Variants in RBFOX1 observed in about 807,000 individuals in gnomAD.
RBFOX1 encodes the protein RNA binding fox-1 homolog 1.
Under a neutral mutation model 57.7 loss-of-function variants are expected in RBFOX1, and 8 were observed. That is an observed-to-expected ratio of 0.14 (90% CI 0.08 to 0.25). The LOEUF is 0.25. Among genes scored for constraint, RBFOX1 ranks in the 10% least tolerant of loss-of-function variants. The pLI is 1.00. For missense variants in RBFOX1, 611 were observed against 548.5 expected (o/e 1.11, Z -1.14); for synonymous variants, 326 against 222.4 (o/e 1.47, Z -4.15).
At chr16:5,720,424 A>C (rs778327756) in intron 3 of RBFOX1, among the ~76,000 whole-genome samples, 11 of 152,200 alleles carry the variant, frequency 7.2e-5, no homozygotes, top group Non-Finnish European at 1.5e-4. Flanking sequence ...TATTTTCAGC[A>C]TAAAGTTTTA....
chr16:6,651,208 C>A (rs1017184825), intron 2 of RBFOX1, among the ~76,000 whole-genome samples: 12 of 152,078 alleles, frequency 7.9e-5, no homozygotes, highest in Non-Finnish European at 1.6e-4. Context: ...GGCCTGGAAC[C>A]CCTAATGTTT....
chr16:5,654,347 A>G (rs1342888477), intron 3 of RBFOX1, among the ~76,000 whole-genome samples: 1 of 152,142 alleles, frequency 6.6e-6, no homozygotes, highest in Non-Finnish European at 1.5e-5. Flanking sequence ...TTAAGCCATT[A>G]AGCTGGAAAT....
chr16:6,605,345 G>A (rs575120812), intron 2 of RBFOX1, among the ~76,000 whole-genome samples: 1 of 152,266 alleles, frequency 6.6e-6, no homozygotes, highest in Non-Finnish European at 1.5e-5. Flanking sequence ...ACAGGTAGCT[G>A]TCTGGCATTT....
chr16:6,203,736 C>G (rs2097232915), intron 1 of RBFOX1, among the ~76,000 whole-genome samples: 1 of 152,176 alleles, frequency 6.6e-6, no homozygotes, highest in South Asian at 2.1e-4. Context: ...GAACCCTTGT[C>G]TCTTGTGTGT....
At chr16:5,396,158 G>A (rs1302614226) in intron 1 of RBFOX1, among the ~76,000 whole-genome samples, 2 of 152,188 alleles carry the variant, frequency 1.3e-5, no homozygotes, top group Non-Finnish European at 1.5e-5. Context: ...AACTCAATGG[G>A]CATATTAATA....
At chr16:5,981,122 C>A (rs2060164695) in intron 4 of RBFOX1, among the ~76,000 whole-genome samples, 2 of 152,148 alleles carry the variant, frequency 1.3e-5, no homozygotes, top group Non-Finnish European at 2.9e-5. Context: ...TACAGATTTC[C>A]CTTTTTAGCA....
chr16:7,375,655 C>T (rs1488681778), intron 4 of RBFOX1, among the ~76,000 whole-genome samples: 1 of 152,054 alleles, frequency 6.6e-6, no homozygotes, highest in African/African-American at 2.4e-5. Flanking sequence ...GAAAGTCATT[C>T]TGTGTGACAA....
At position 7,621,148 on chromosome 16, in the gene RBFOX1, A is replaced by G. The variant is rs189329544; in HGVS notation, c.677-9455A>G. On this transcript the variant is annotated intron_variant, in intron 10 of 15. Coordinates refer to ENST00000550418, the MANE Select transcript of RBFOX1 (RefSeq NM_018723.4). ...GCCCTAGTAGTCTTATCATCTATAT[A>G]TTGACACCTATAACTTTGAAGGACA... Among the ~76,000 whole-genome samples the G allele has an allele frequency of 1.4e-3, 219 of 152,306 alleles. 1 individual carries two copies. Among genetic ancestry groups the G allele is most frequent in the Non-Finnish European group, 1.6e-3 (108 of 68,030 alleles).
chr16:5,724,076 C>G (rs2052040908), intron 3 of RBFOX1, among the ~76,000 whole-genome samples: 1 of 152,162 alleles, frequency 6.6e-6, no homozygotes, highest in African/African-American at 2.4e-5. Context: ...CTGCTCACCA[C>G]TTGAATGCTT....
chr16:5,922,625 G>A (rs1032780661), intron 4 of RBFOX1, among the ~76,000 whole-genome samples: 2 of 152,106 alleles, frequency 1.3e-5, no homozygotes, highest in African/African-American at 4.8e-5. Context: ...AGCTGCTGCT[G>A]GTTTAAACCA....
Position 7,099,013 on chromosome 16 carries a change from G to A in RBFOX1, c.27+46915G>A, listed in dbSNP as rs147581730. ...ATGGCTGCCTCTTTTTGGTGGGTCA[G>A]TGTCCAAACTCTCTCTTGTTAAATA... is the stretch of plus-strand genomic sequence containing the variant. On this transcript the variant is annotated intron_variant, in intron 4 of 15. Transcript: ENST00000550418. 5.2e-4 allele frequency among the ~76,000 whole-genome samples: 79 copies of A among 152,260 alleles called. 1 individual carries two copies. Among genetic ancestry groups the A allele is most frequent in the African/African-American group, 1.7e-3 (70 of 41,544 alleles).
chr16:5,974,758 C>A (rs185087615), intron 4 of RBFOX1, among the ~76,000 whole-genome samples: 2 of 152,136 alleles, frequency 1.3e-5, no homozygotes, highest in Admixed American at 6.5e-5. Context: ...TCTGTAATCC[C>A]AGCACTTTGG....
intron 3 of RBFOX1, among the ~76,000 whole-genome samples, chr16:6,889,358 C>T (rs868333578): frequency 4.6e-5 from 7 of 152,318 alleles, no homozygotes; most frequent in South Asian, 2.1e-4. Flanking sequence ...CCTCATTTTG[C>T]TCTCTTTTCC....
chr16:6,018,336 C>T (rs936358907), upstream of RBFOX1, among the ~76,000 whole-genome samples: 2 of 152,312 alleles, frequency 1.3e-5, no homozygotes, highest in African/African-American at 4.8e-5. Flanking sequence ...ATGGATAAAC[C>T]TCCAGTATCT....
intron 1 of RBFOX1, among the ~76,000 whole-genome samples, chr16:5,380,631 G>T: frequency 6.6e-6 from 1 of 152,154 alleles, no homozygotes. Flanking sequence ...CATTTTTTAG[G>T]CATTATTACA....
At chr16:7,181,265 A>C (rs528750116) in intron 4 of RBFOX1, among the ~76,000 whole-genome samples, 1 of 152,280 alleles carries the variant, frequency 6.6e-6, no homozygotes, top group Admixed American at 6.5e-5. Context: ...TGAGAACTGA[A>C]GGAGTACCAG....
intron 3 of RBFOX1, chr16:6,873,938 T>C (rs1218851644): frequency 6.6e-6 from 1 of 152,172 alleles, no homozygotes; most frequent in African/African-American, 2.4e-5. Flanking sequence ...ATTGGAATGA[T>C]ACAGAGAAGA....
At chr16:7,433,277 T>C (rs2149653289) in intron 4 of RBFOX1, among the ~76,000 whole-genome samples, 1 of 152,234 alleles carries the variant, frequency 6.6e-6, no homozygotes, top group South Asian at 2.1e-4. Context: ...TGAGTAAGGG[T>C]CCAGTTCTAA....
intron 2 of RBFOX1, among the ~76,000 whole-genome samples, chr16:6,519,033 C>G (rs751211294): frequency 2.6e-5 from 4 of 151,846 alleles, no homozygotes; most frequent in African/African-American, 9.7e-5. Flanking sequence ...AGAAGATAAA[C>G]ACTTAATTCT....
Sources: gnomAD v4.1 joint callset for allele counts (sites outside exome capture counted in the v4.1 genomes callset) on GRCh38, gnomAD v4.1.1 for gene constraint, MANE v1.5 for transcripts, NCBI Gene and HGNC (gene_info 2026-07-23, HGNC 2026-07-21) for gene names.